The following KCNMA1 variants were observed in gnomAD, a reference collection of about 807,000 sequenced individuals.
KCNMA1 encodes the protein Calcium-activated potassium channel subunit alpha-1.
Under a neutral mutation model 140.0 loss-of-function variants are expected in KCNMA1, and 29 were observed. The observed-to-expected ratio is 0.21, with a 90% CI of 0.15 to 0.28. KCNMA1 has a LOEUF of 0.28. Ranked by LOEUF, KCNMA1 falls within the 10% of genes least tolerant of loss-of-function variation. The pLI is 1.00. For missense variants in KCNMA1, 880 were observed against 1,602.2 expected (o/e 0.55, Z 7.70); for synonymous variants, 612 against 611.9 (o/e 1.00, Z 0.00).
chr10:76,934,220 C>T (rs552826473), intron 23 of KCNMA1, among the ~76,000 whole-genome samples: 5 of 152,332 alleles, frequency 3.3e-5, no homozygotes, highest in African/African-American at 1.2e-4. Flanking sequence ...GATCCACCTG[C>T]TTCGGCCCCC....
intron 2 of KCNMA1, among the ~76,000 whole-genome samples, chr10:77,277,681 A>G (rs1565671988): frequency 6.6e-6 from 1 of 152,194 alleles, no homozygotes; most frequent in Non-Finnish European, 1.5e-5. Context: ...ATCAAAGTCG[A>G]TGCAACAGAT....
chr10:77,001,952 G>A (rs560285062), intron 18 of KCNMA1, among the ~76,000 whole-genome samples: 1 of 152,208 alleles, frequency 6.6e-6, no homozygotes, highest in African/African-American at 2.4e-5. Flanking sequence ...GATTAATACA[G>A]GAGGACAAAA....
chr10:76,889,642 G>A (rs1589615623), intron 26 of KCNMA1, 73 bp from the exon 27 acceptor site: 8 of 1,145,464 alleles, frequency 7.0e-6, no homozygotes, highest in East Asian at 2.3e-5. Flanking sequence ...GCAGGGAAAC[G>A]GGTCTTTTCA....
chr10:77,241,473 C>A (rs908867405), intron 3 of KCNMA1, among the ~76,000 whole-genome samples: 2 of 129,502 alleles, frequency 1.5e-5, no homozygotes, highest in African/African-American at 6.3e-5. Context: ...GTGAGACCCC[C>A]CCATCTCTAC....
intron 25 of KCNMA1, among the ~76,000 whole-genome samples, chr10:76,895,250 C>T (rs553452757): frequency 2.6e-5 from 4 of 152,290 alleles, no homozygotes; most frequent in South Asian, 4.2e-4. Flanking sequence ...TTGGGATACT[C>T]GGCTCTTGAG....
At chr10:76,912,238 G>T (rs1237361171) in intron 24 of KCNMA1, 4 of 152,214 alleles carry the variant, frequency 2.6e-5, no homozygotes, top group African/African-American at 9.7e-5. Flanking sequence ...AATTGGAATA[G>T]TCAGGTGAAA....
At chr10:77,582,098 T>A (rs914632674) in intron 1 of KCNMA1, among the ~76,000 whole-genome samples, 1 of 152,168 alleles carries the variant, frequency 6.6e-6, no homozygotes, top group Admixed American at 6.5e-5. Flanking sequence ...TCCAGCAAGA[T>A]CAAATGCAAT....
intron 1 of KCNMA1, among the ~76,000 whole-genome samples, chr10:77,436,225 G>A (rs904707188): frequency 2.6e-5 from 4 of 152,222 alleles, no homozygotes; most frequent in Admixed American, 2.6e-4. Context: ...CCCAGGCCCT[G>A]CTCTCAAGCA....
chr10:77,119,390 G>A (rs947659036), intron 6 of KCNMA1, among the ~76,000 whole-genome samples: 1 of 152,200 alleles, frequency 6.6e-6, no homozygotes, highest in Non-Finnish European at 1.5e-5. Flanking sequence ...GAAACAGGGA[G>A]AGACAGACAC....
chr10:77,163,349 T>C (rs545469309), intron 5 of KCNMA1, among the ~76,000 whole-genome samples: 20 of 152,226 alleles, frequency 1.3e-4, no homozygotes, highest in South Asian at 2.1e-4. Flanking sequence ...AGAGGCAGAG[T>C]TGAATGGTGG....
chr10:77,155,697 A>T (rs973119103), intron 5 of KCNMA1, among the ~76,000 whole-genome samples: 2 of 152,146 alleles, frequency 1.3e-5, no homozygotes, highest in Admixed American at 1.3e-4. Flanking sequence ...GAACTAAAAC[A>T]ATAAGAAGAT....
intron 23 of KCNMA1, among the ~76,000 whole-genome samples, chr10:76,924,477 T>C (rs1377667553): frequency 6.6e-6 from 1 of 152,182 alleles, no homozygotes; most frequent in Non-Finnish European, 1.5e-5. Flanking sequence ...ATAAACACAT[T>C]TTATTTATGT....
chr10:76,900,376 T>A (rs2044611769), intron 25 of KCNMA1, among the ~76,000 whole-genome samples: 1 of 152,116 alleles, frequency 6.6e-6, no homozygotes, highest in Non-Finnish European at 1.5e-5. Flanking sequence ...ATACCTGAAC[T>A]GATAGACGTA....
At chr10:77,226,576 C>A (rs1269806616) in intron 3 of KCNMA1, among the ~76,000 whole-genome samples, 2 of 152,060 alleles carry the variant, frequency 1.3e-5, no homozygotes, top group African/African-American at 2.4e-5. Context: ...GCAGTGAAAG[C>A]AATTTCTTAC....
At chr10:76,901,756 G>A (rs1223701406) in intron 25 of KCNMA1, 3 of 152,204 alleles carry the variant, frequency 2.0e-5, no homozygotes, top group Non-Finnish European at 2.9e-5. Flanking sequence ...TGCTCTCTGA[G>A]CTGGCACTGC....
intron 1 of KCNMA1, among the ~76,000 whole-genome samples, chr10:77,502,341 G>A (rs554172588): frequency 2.6e-5 from 4 of 152,088 alleles, no homozygotes; most frequent in South Asian, 4.1e-4. Context: ...ACGAGGAGAC[G>A]GAGGCCCGTA....
rs140086143 is a variant in KCNMA1 at position 77,276,626 on chromosome 10, C to T, written c.541-25370G>A. On this transcript the variant is annotated intron_variant, in intron 2 of 27. Coordinates refer to ENST00000286628, the MANE Select transcript of KCNMA1 (RefSeq NM_001161352.2). Reference sequence around the variant, plus strand: ...CTCAATTCGAGATGTCTGTATTATGCGTGAGGTTTGTTCATACACAGATTG... The same window carrying T: ...CTCAATTCGAGATGTCTGTATTATGTGTGAGGTTTGTTCATACACAGATTG... 5.9e-4 allele frequency among the ~76,000 whole-genome samples: 90 copies of T among 152,196 alleles called. No individual in the cohort carries two copies. In the East Asian group the frequency reaches 7.5e-3, roughly 13 times the overall value.
chr10:77,186,892 G>A (rs918492330), intron 3 of KCNMA1, among the ~76,000 whole-genome samples: 11 of 151,902 alleles, frequency 7.2e-5, no homozygotes, highest in Non-Finnish European at 1.5e-4. Flanking sequence ...GTGCCAGCGG[G>A]GACTCACATA....
chr10:77,637,223 G>T, intron 1 of KCNMA1, 42 bp downstream of exon 1: 1 of 1,537,730 alleles, frequency 6.5e-7, no homozygotes, highest in Non-Finnish European at 8.9e-7. Context: ...CCGAGAAGCG[G>T]TGGGGCTGGC....
Sources: allele counts gnomAD v4.1 joint callset (sites outside exome capture counted in the v4.1 genomes callset), GRCh38; gene constraint gnomAD v4.1.1; transcripts MANE v1.5; gene names NCBI Gene and HGNC (gene_info 2026-07-23, HGNC 2026-07-21).